ROBO1: variants seen among roughly 807,000 people sequenced by gnomAD.
The protein encoded by ROBO1 is roundabout homolog 1.
In ROBO1, 149 loss-of-function variants were observed where a neutral mutation model predicts 195.9. That is an observed-to-expected ratio of 0.76 (90% confidence interval 0.67 to 0.87). The LOEUF (loss-of-function observed/expected upper bound fraction) is 0.87. ROBO1 is among the 40% of genes least tolerant of loss of function. ROBO1 has a pLI of 0.00. For missense variants in ROBO1, 1,933 were observed against 2,068.3 expected (o/e 0.93, Z 1.27); for synonymous variants, 816 against 733.2 (o/e 1.11, Z -1.82).
chr3:79,630,891 C>T (rs1560053831), intron 1 of ROBO1, among the ~76,000 whole-genome samples: 1 of 151,410 alleles, frequency 6.6e-6, no homozygotes, highest in Non-Finnish European at 1.5e-5. Context: ...CACGCACATA[C>T]AAAAAACCTA....
intron 1 of ROBO1, among the ~76,000 whole-genome samples, chr3:79,616,565 T>A (rs1944826846): frequency 6.6e-6 from 1 of 151,984 alleles, no homozygotes; most frequent in African/African-American, 2.4e-5. Context: ...AGCCCCCTTT[T>A]TGTGACCAGA....
chr3:79,679,682 C>A (rs973281141), intron 1 of ROBO1, among the ~76,000 whole-genome samples: 4 of 151,972 alleles, frequency 2.6e-5, no homozygotes, highest in African/African-American at 9.7e-5. Context: ...ATAAGAGTTG[C>A]AGCCCTGAAT....
At chr3:78,650,731 CA>C (rs971700099) in intron 19 of ROBO1, among the ~76,000 whole-genome samples, 3 of 149,546 alleles carry the variant, frequency 2.0e-5, no homozygotes, top group African/African-American at 7.7e-5. Flanking sequence ...TGCAGCAAAG[CA>C]AAGCTGTTGC....
At chr3:79,523,449 G>A (rs1418813991) in intron 2 of ROBO1, among the ~76,000 whole-genome samples, 5 of 147,240 alleles carry the variant, frequency 3.4e-5, no homozygotes, top group Non-Finnish European at 6.0e-5. Context: ...AATAGACTTT[G>A]CATTTTTCTT....
intron 2 of ROBO1, among the ~76,000 whole-genome samples, chr3:79,164,423 A>G (rs1420376927): frequency 1.3e-5 from 2 of 152,206 alleles, no homozygotes; most frequent in Non-Finnish European, 2.9e-5. Context: ...AAATAATCAT[A>G]TGATGAAAAT....
intron 2 of ROBO1, among the ~76,000 whole-genome samples, chr3:79,333,439 C>G (rs1207665939): frequency 6.6e-6 from 1 of 151,966 alleles, no homozygotes; most frequent in Non-Finnish European, 1.5e-5. Flanking sequence ...GTAAATCGCA[C>G]ATATCCTCAT....
intron 29 of ROBO1, among the ~76,000 whole-genome samples, chr3:78,602,101 T>C (rs979860160): frequency 6.6e-6 from 1 of 152,052 alleles, no homozygotes; most frequent in Non-Finnish European, 1.5e-5. Context: ...TTTGGATATT[T>C]GTCACTGCCC....
At chr3:79,744,676 T>C (rs1376043164) in intron 1 of ROBO1, among the ~76,000 whole-genome samples, 1 of 152,116 alleles carries the variant, frequency 6.6e-6, no homozygotes, top group African/African-American at 2.4e-5. Context: ...ACCCGGTTTA[T>C]TGTATTGTGT....
chr3:79,728,000 A>G (rs1006739372), intron 1 of ROBO1, among the ~76,000 whole-genome samples: 2 of 152,164 alleles, frequency 1.3e-5, no homozygotes, highest in Admixed American at 6.5e-5. Flanking sequence ...ATGTTCTTTA[A>G]GACTTTTCAG....
intron 2 of ROBO1, among the ~76,000 whole-genome samples, chr3:79,457,486 A>G (rs984717046): frequency 2.0e-5 from 3 of 151,960 alleles, no homozygotes; most frequent in African/African-American, 7.2e-5. Flanking sequence ...AGATGCTGCC[A>G]TCACAATCCT....
At chr3:79,518,266 GA>G (rs567416076) in intron 2 of ROBO1, among the ~76,000 whole-genome samples, 69 of 152,108 alleles carry the variant, frequency 4.5e-4, no homozygotes, top group Middle Eastern at 3.4e-3. Context: ...AGATTTGGGA[GA>G]AAAAAATGCA....
chr3:78,627,566 A>G lies in ROBO1; in HGVS notation c.3630T>C (p.Tyr1210=). ...EEYNISVDES[Y]DQEMPCPVPP... is the part of the protein sequence containing the mutation. Reference sequence around the variant, plus strand: ...GCACGGGACATGGCATTTCTTGGTCATAGCTAAAATAAATGATAAGGATGT... The same window carrying G: ...GCACGGGACATGGCATTTCTTGGTCGTAGCTAAAATAAATGATAAGGATGT... Residue 1210 remains tyrosine, a synonymous_variant, in exon 26 of 31, where the codon TAT becomes TAC. Transcript: ENST00000464233. The G allele has an allele frequency of 6.2e-7, 1 of 1,608,800 alleles. No homozygotes were observed. The highest frequency in any genetic ancestry group is 1.1e-5 in the South Asian group (1 of 90,208).
chr3:78,632,258 A>G (rs543560688), intron 24 of ROBO1, among the ~76,000 whole-genome samples: 1 of 152,302 alleles, frequency 6.6e-6, no homozygotes, highest in South Asian at 2.1e-4. Flanking sequence ...AGGTCTGATC[A>G]TATTCAATGA....
intron 25 of ROBO1, among the ~76,000 whole-genome samples, chr3:78,627,954 C>CTTTTTTTTT (rs11445603): frequency 1.4e-5 from 2 of 143,432 alleles, no homozygotes. Flanking sequence ...AAAAATTACT[C>CTTTTTTTTT]TTTTTTTTTT....
intron 4 of ROBO1, among the ~76,000 whole-genome samples, chr3:78,764,606 TAGAAG>T (rs1361081765): frequency 1.3e-5 from 2 of 152,152 alleles, no homozygotes; most frequent in African/African-American, 2.4e-5. Context: ...ACCCAACACT[TAGAAG>T]AGAACTATCT....
chr3:79,684,757 C>T (rs1395381230), intron 1 of ROBO1, among the ~76,000 whole-genome samples: 1 of 152,006 alleles, frequency 6.6e-6, no homozygotes, highest in Non-Finnish European at 1.5e-5. Context: ...CTCCCTGCAA[C>T]CTCTGCCTCC....
At chr3:79,420,216 G>A (rs1163192272) in intron 2 of ROBO1, among the ~76,000 whole-genome samples, 1 of 151,984 alleles carries the variant, frequency 6.6e-6, no homozygotes, top group Non-Finnish European at 1.5e-5. Flanking sequence ...ATCATTGACA[G>A]GAAAAATTAA....
chr3:79,103,485 C>CA (rs770016609), intron 3 of ROBO1, among the ~76,000 whole-genome samples: 25 of 151,664 alleles, frequency 1.6e-4, no homozygotes, highest in Non-Finnish European at 2.8e-4. Context: ...TTAGTTTAAA[C>CA]AAATGGATGT....
At chr3:79,606,395 G>C (rs905055035) in intron 1 of ROBO1, among the ~76,000 whole-genome samples, 1 of 151,914 alleles carries the variant, frequency 6.6e-6, no homozygotes, top group Admixed American at 6.6e-5. Flanking sequence ...CTTTGTGTCT[G>C]TCTCCTCATC....
Sources: allele counts gnomAD v4.1 joint callset (sites outside exome capture counted in the v4.1 genomes callset), GRCh38; gene constraint gnomAD v4.1.1; transcripts MANE v1.5; gene names NCBI Gene and HGNC (gene_info 2026-07-23, HGNC 2026-07-21).